Variants in ELOVL4 observed in about 807,000 individuals in gnomAD.
ELOVL4 encodes the protein very long chain fatty acid elongase 4.
ELOVL4 carries 18 observed loss-of-function variants against 42.1 expected under a neutral mutation model. The ratio of observed to expected loss-of-function variants is 0.43; its 90% CI spans 0.30 to 0.63. ELOVL4 has a LOEUF of 0.63. Among genes scored for constraint, ELOVL4 ranks in the 30% least tolerant of loss-of-function variants. The pLI is 0.15. For synonymous variants in ELOVL4, 117 were observed against 127.0 expected, an observed-to-expected ratio of 0.92 and a Z score of 0.53; for missense variants, 299 against 376.2, an observed-to-expected ratio of 0.79 and a Z score of 1.70.
At chr6:79,931,694 A>C (rs964841614) in intron 1 of ELOVL4, among the ~76,000 whole-genome samples, 3 of 152,066 alleles carry the variant, frequency 2.0e-5, no homozygotes, top group Non-Finnish European at 4.4e-5. Context: ...AAAAAGACTA[A>C]AGACTAAAGC....
At chr6:79,926,078 T>G in intron 2 of ELOVL4, 116 bp downstream of exon 2, 1 of 922,036 alleles carries the variant, frequency 1.1e-6, no homozygotes, top group Non-Finnish European at 1.7e-6. Flanking sequence ...AAAATGTACT[T>G]TTAGAGTAGC....
intron 1 of ELOVL4, among the ~76,000 whole-genome samples, chr6:79,928,601 A>G (rs1421839472): frequency 6.6e-6 from 1 of 152,110 alleles, no homozygotes; most frequent in Non-Finnish European, 1.5e-5. Flanking sequence ...TGAGAAGCTG[A>G]AGATCTTACA....
At chr6:79,920,681 A>G (rs1178436137) in intron 4 of ELOVL4, among the ~76,000 whole-genome samples, 2 of 152,214 alleles carry the variant, frequency 1.3e-5, no homozygotes, top group African/African-American at 4.8e-5. Context: ...TGTACTCTGA[A>G]CATCAGAAAG....
intron 1 of ELOVL4, 85 bp downstream of exon 1, chr6:79,947,094 TG>T (rs1774758768): frequency 8.8e-7 from 1 of 1,140,132 alleles, no homozygotes; most frequent in Non-Finnish European, 1.3e-6. Flanking sequence ...CGGGGGCCTG[TG>T]GGGCCGGGCC....
At chr6:79,938,596 T>A (rs1774588931) in intron 1 of ELOVL4, among the ~76,000 whole-genome samples, 1 of 152,246 alleles carries the variant, frequency 6.6e-6, no homozygotes, top group Non-Finnish European at 1.5e-5. Flanking sequence ...AAGTTAACCA[T>A]CTTCTCAGGC....
intron 2 of ELOVL4, 90 bp downstream of exon 2, chr6:79,926,104 G>C: frequency 1.0e-5 from 12 of 1,185,346 alleles, no homozygotes; most frequent in Non-Finnish European, 1.2e-5. Flanking sequence ...GTTATGTCTG[G>C]GTAAAATATT....
chr6:79,941,382 T>G (rs150537182), intron 1 of ELOVL4, among the ~76,000 whole-genome samples: 1 of 152,278 alleles, frequency 6.6e-6, no homozygotes, highest in East Asian at 1.9e-4. Context: ...CCCTCCTCAC[T>G]TCCACACAAG....
At chr6:79,923,831 C>G (rs1455966477) in intron 3 of ELOVL4, among the ~76,000 whole-genome samples, 3 of 152,056 alleles carry the variant, frequency 2.0e-5, no homozygotes, top group Non-Finnish European at 4.4e-5. Flanking sequence ...GTCCATAAGT[C>G]TTCTAATAGG....
intron 4 of ELOVL4, among the ~76,000 whole-genome samples, chr6:79,920,198 T>C (rs1408629055): frequency 6.6e-6 from 1 of 152,166 alleles, no homozygotes; most frequent in Non-Finnish European, 1.5e-5. Flanking sequence ...CCCCCAATAA[T>C]ATATGTATGA....
intron 1 of ELOVL4, among the ~76,000 whole-genome samples, chr6:79,934,472 A>G (rs187018761): frequency 3.9e-5 from 6 of 152,290 alleles, no homozygotes; most frequent in Admixed American, 3.3e-4. Context: ...TTCCTAGCAC[A>G]CATGGATACC....
At chr6:79,947,112 C>G in intron 1 of ELOVL4, 68 bp downstream of exon 1, 1 of 1,327,670 alleles carries the variant, frequency 7.5e-7, no homozygotes, top group Non-Finnish European at 1.1e-6. Flanking sequence ...GGCCCGGGAG[C>G]TGCGAGACCA....
chr6:79,938,757 A>C (rs1441737185), intron 1 of ELOVL4, among the ~76,000 whole-genome samples: 1 of 152,214 alleles, frequency 6.6e-6, no homozygotes, highest in African/African-American at 2.4e-5. Flanking sequence ...ATCTTTGGTA[A>C]TATTATGACT....
At chr6:79,925,202 A>G (rs1296471435) in intron 2 of ELOVL4, among the ~76,000 whole-genome samples, 170 bp from the exon 3 acceptor site, 1 of 152,214 alleles carries the variant, frequency 6.6e-6, no homozygotes, top group Admixed American at 6.5e-5. Flanking sequence ...GTTACTGTGC[A>G]TTAATTTGTT....
intron 1 of ELOVL4, among the ~76,000 whole-genome samples, chr6:79,928,980 G>A (rs1389814882): frequency 6.6e-6 from 1 of 152,038 alleles, no homozygotes; most frequent in Admixed American, 6.6e-5. Flanking sequence ...GAGAAGGAAA[G>A]AGGCACTAGT....
intron 1 of ELOVL4, among the ~76,000 whole-genome samples, chr6:79,936,874 TGAA>T (rs1188341022): frequency 1.3e-5 from 2 of 152,102 alleles, no homozygotes; most frequent in Non-Finnish European, 2.9e-5. Flanking sequence ...AGGTGGTGGG[TGAA>T]GAATAGCATG....
intron 1 of ELOVL4, among the ~76,000 whole-genome samples, chr6:79,945,883 C>A (rs545303804): frequency 1.3e-5 from 2 of 152,058 alleles, no homozygotes. Flanking sequence ...GCTTATTTCC[C>A]AGTGTCAAAG....
rs1279193908 is a variant in ELOVL4 at position 79,916,203 on chromosome 6, TAGATA to T, written c.*400_*404del. 4.9e-6 allele frequency: 1 copy of T among 202,550 alleles called. No homozygotes were observed. The highest frequency in any genetic ancestry group is 1.0e-5 in the Non-Finnish European group (1 of 98,088). 12.5% of individuals were successfully genotyped at this position (202,550 alleles called of 1,614,324 possible). A position where few individuals can be genotyped will look rare whatever the true frequency, so the allele number is the denominator to read the frequency against. On this transcript the variant is annotated 3_prime_UTR_variant, in exon 6 of 6. Transcript: ENST00000369816. ...ATGTAACACCACTGATTTCAGTCAG[TAGATA>T]AGATAATTAGTAATTTATCAAAATA...
chr6:79,946,182 A>G, intron 1 of ELOVL4, among the ~76,000 whole-genome samples: 1 of 152,244 alleles, frequency 6.6e-6, no homozygotes, highest in East Asian at 1.9e-4. Context: ...CTGCAAAAGG[A>G]CCAGAAAAAT....
intron 1 of ELOVL4, among the ~76,000 whole-genome samples, chr6:79,930,481 TA>T (rs1213475610): frequency 6.6e-6 from 1 of 152,216 alleles, no homozygotes; most frequent in African/African-American, 2.4e-5. Flanking sequence ...CTATACTAGT[TA>T]TGTTTGTTTT....
Sources: allele counts gnomAD v4.1 joint callset (sites outside exome capture counted in the v4.1 genomes callset), GRCh38; gene constraint gnomAD v4.1.1; transcripts MANE v1.5; gene names NCBI Gene and HGNC (gene_info 2026-07-23, HGNC 2026-07-21).